The following TMEM259 variants were observed in gnomAD, a reference collection of about 807,000 sequenced individuals.
TMEM259 encodes the protein membralin.
TMEM259 carries 26 observed loss-of-function variants against 46.7 expected under a neutral mutation model. That is an observed-to-expected ratio of 0.56 (90% confidence interval 0.41 to 0.77). The LOEUF is 0.77. Among genes scored for constraint, TMEM259 ranks in the 30% least tolerant of loss-of-function variants. TMEM259 has a pLI of 0.00. For synonymous variants in TMEM259, 494 were observed against 395.1 expected (o/e 1.25, Z -2.97); for missense variants, 930 against 900.5 (o/e 1.03, Z -0.42).
chr19:1,010,943 C>G (rs375122435), intron 10 of TMEM259, 48 bp from the exon 11 acceptor site: 11 of 1,566,864 alleles, frequency 7.0e-6, no homozygotes, highest in Non-Finnish European at 9.4e-6. Context: ...CCTGCCCCAC[C>G]CAGCCGCTGC....
rs1310374974 is a variant in TMEM259, at chr19:1,010,809, C to T, written c.1404G>A (p.Pro468=). 8.9e-6 allele frequency: 14 copies of T among 1,579,728 alleles called. No homozygotes were observed. Among genetic ancestry groups the T allele is most frequent in the East Asian group, 4.6e-5 (2 of 43,744 alleles). ...VRIQEMLLQA[P]PLGPGTPTAL... ...CCGTGGGGGTCCCGGGGCCCAGTGGCGGCGCCTGAAGCAGCATCTCCTGGA... is the reference window on the plus strand; with the variant it reads ...CCGTGGGGGTCCCGGGGCCCAGTGGTGGCGCCTGAAGCAGCATCTCCTGGA... Residue 468 remains proline, a synonymous_variant, in exon 11 of 11, where the codon CCG becomes CCA. Transcript: ENST00000356663.
chr19:1,020,639 C>T lies in TMEM259; in HGVS notation c.225+133G>A, dbSNP rs2081472894. ...CGAGGGAGAGCCCTAATCGGTAGGG[C>T]CGGGTATAGGCCTCAGGGTGCAGGG... is the stretch of plus-strand genomic sequence containing the variant. On this transcript the variant is annotated intron_variant, in intron 1 of 10. Transcript: ENST00000356663. The surrounding 1 kb of genome is among the most constrained non-coding windows in gnomAD (Gnocchi z 4.0). 1.8e-6 allele frequency: 1 copy of T among 549,132 alleles called. No homozygotes were observed. Among genetic ancestry groups the T allele is most frequent in the Non-Finnish European group, 2.8e-6 (1 of 361,934 alleles). The allele number at this position is 549,132 out of a possible 1,614,324, so 34.0% of individuals were successfully genotyped here. A position where few individuals can be genotyped will look rare whatever the true frequency, so the allele number is the denominator to read the frequency against.
rs1008862781 is a variant in TMEM259, at chr19:1,009,987, A to T, written c.*363T>A. 2.5e-5 allele frequency: 8 copies of T among 321,150 alleles called. No homozygotes were observed. The highest frequency in any genetic ancestry group is 4.0e-5 in the Non-Finnish European group (7 of 175,742). 19.9% of individuals were successfully genotyped at this position (321,150 alleles called of 1,614,324 possible). A position where few individuals can be genotyped will look rare whatever the true frequency, so the allele number is the denominator to read the frequency against. ...GGCCGGCACTAGGGCGCGAGGCCCC[A>T]CCCCAAGCCGGCCTCTCCTCCACAC... On this transcript the variant is annotated 3_prime_UTR_variant, in exon 11 of 11. Coordinates refer to ENST00000356663, the MANE Select transcript of TMEM259 (RefSeq NM_001033026.2).
chr19:1,012,361 T>G (rs1294090722), intron 4 of TMEM259, 102 bp downstream of exon 4: 3 of 1,503,800 alleles, frequency 2.0e-6, no homozygotes, highest in African/African-American at 1.4e-5. Flanking sequence ...CAGACCCCAG[T>G]GCTTCCTGCA....
chr19:1,012,070 G>C lies in TMEM259; in HGVS notation c.837C>G (p.Asn279Lys). The change falls in exon 5 of 11, where the codon AAC becomes AAG. Residue 279 changes from asparagine to lysine, a missense_variant. Physicochemically the swap from Asn to Lys is moderately conservative, Grantham distance 94. Coordinates refer to ENST00000356663, the MANE Select transcript of TMEM259 (RefSeq NM_001033026.2). ...CGGCCCCGGGGCATGCCTCACCCTT[G>C]TTCTCCTCGTTCTCGGCCAGGCCCT... is the stretch of plus-strand genomic sequence containing the variant. ...SVKGLAENEENKGFLRNVVSG... is the reference protein window; with the variant it reads ...SVKGLAENEEKKGFLRNVVSG... 6.2e-7 allele frequency: 1 copy of C among 1,612,230 alleles called. No homozygotes were observed.
intron 1 of TMEM259, among the ~76,000 whole-genome samples, chr19:1,015,562 G>A (rs532806324): frequency 4.6e-5 from 7 of 152,280 alleles, no homozygotes; most frequent in South Asian, 4.1e-4. Context: ...CATCACCCCC[G>A]AGCCTGGTGA....
chr19:1,018,037 T>C (rs2039167089), intron 1 of TMEM259, among the ~76,000 whole-genome samples: 1 of 152,096 alleles, frequency 6.6e-6, no homozygotes, highest in Non-Finnish European at 1.5e-5. Context: ...TTACTCCCTG[T>C]GGCTAGGCGC....
In TMEM259 at chr19:1,012,295, C is replaced by T. The variant is rs545156541; in HGVS notation, c.719-107G>A. 1.7e-5 allele frequency: 26 copies of T among 1,508,324 alleles called. No homozygotes were observed. In the African/African-American group the frequency reaches 3.5e-4, roughly 20 times the overall value. 93.4% of individuals were successfully genotyped at this position (1,508,324 alleles called of 1,614,324 possible). A position where few individuals can be genotyped will look rare whatever the true frequency, so the allele number is the denominator to read the frequency against. On this transcript the variant is annotated intron_variant, in intron 4 of 10. Transcript: ENST00000356663. ...GCCTGGCCTGCTTCCTGGCCCTGCCCATTCTTAGGAAACCCATCCAGGACC... is the reference window on the plus strand; with the variant it reads ...GCCTGGCCTGCTTCCTGGCCCTGCCTATTCTTAGGAAACCCATCCAGGACC...
chr19:1,016,205 C>G (rs2240165), intron 1 of TMEM259, among the ~76,000 whole-genome samples: 84 of 151,336 alleles, frequency 5.6e-4, no homozygotes, highest in African/African-American at 9.0e-4. Context: ...GAGGGGTGGG[C>G]GGGGGGAGGG....
intron 7 of TMEM259, 28 bp downstream of exon 7, chr19:1,011,713 C>A (rs1456306362): frequency 1.3e-6 from 2 of 1,532,718 alleles, no homozygotes; most frequent in Non-Finnish European, 8.8e-7. Flanking sequence ...AGGACGCCCG[C>A]CCCGCCCTGC....
chr19:1,011,875 C>T lies in TMEM259; in HGVS notation c.942+17G>A, dbSNP rs756239009. The T allele has an allele frequency of 2.2e-5, 36 of 1,602,758 alleles. No homozygotes were observed. Among genetic ancestry groups the T allele is most frequent in the Middle Eastern group, 3.3e-4 (2 of 6,030 alleles). Reference sequence around the variant, plus strand: ...CTCCCGCCCGGCCAGCCCCCGCACCCGCCCCGAGGCACTCACGAAGATGAC... The same window carrying T: ...CTCCCGCCCGGCCAGCCCCCGCACCTGCCCCGAGGCACTCACGAAGATGAC... On this transcript the variant is annotated intron_variant, in intron 6 of 10. Transcript: ENST00000356663.
At position 1,010,835 on chromosome 19, in the gene TMEM259, T is replaced by G; in HGVS notation, c.1378A>C (p.Ile460Leu). 1.3e-6 allele frequency: 2 copies of G among 1,574,170 alleles called. No individual in the cohort carries two copies. The highest frequency in any genetic ancestry group is 1.7e-6 in the Non-Finnish European group (2 of 1,165,020). The part of the protein sequence containing the change: ...ELPAILQQVR[I>L]QEMLLQAPPL... ...GGCGCCTGAAGCAGCATCTCCTGGA[T>G]GCGGACCTGCTGCAGGATGGCAGGC... The change falls in exon 11 of 11, where the codon ATC becomes CTC. Residue 460 changes from isoleucine (I) to leucine (L), a missense_variant. Coordinates refer to ENST00000356663, the MANE Select transcript of TMEM259 (RefSeq NM_001033026.2).
chr19:1,012,967 A>G (rs1236546678), intron 3 of TMEM259, among the ~76,000 whole-genome samples: 1 of 152,132 alleles, frequency 6.6e-6, no homozygotes, highest in Non-Finnish European at 1.5e-5. Context: ...AGCCCGCTAG[A>G]ACTCTGAGCT....
At chr19:1,012,654 G>C in intron 3 of TMEM259, 81 bp from the exon 4 acceptor site, 1 of 1,507,202 alleles carries the variant, frequency 6.6e-7, no homozygotes, top group East Asian at 2.5e-5. Flanking sequence ...CAGGCGTTGA[G>C]GGGTGGAGGG....
intron 1 of TMEM259, among the ~76,000 whole-genome samples, chr19:1,016,484 C>G (rs974409436): frequency 3.9e-5 from 6 of 152,248 alleles, no homozygotes; most frequent in Non-Finnish European, 8.8e-5. Context: ...CTCTGCCTTC[C>G]AGGCCCACAC....
chr19:1,012,005 G>A lies in TMEM259; in HGVS notation c.842-13C>T. 1 of 1,611,834 alleles carries A rather than the reference G, an allele frequency of 6.2e-7. No homozygotes were observed. The highest frequency in any genetic ancestry group is 8.5e-7 in the Non-Finnish European group (1 of 1,179,404). On this transcript the variant is annotated splice_polypyrimidine_tract_variant and intron_variant, in intron 5 of 10. Transcript: ENST00000356663. ...TTCCGCAGGAAGCCTGCAGCAGAAGGAGCCGTGAGCGCCCGCCCCCACCCG... is the reference window on the plus strand; with the variant it reads ...TTCCGCAGGAAGCCTGCAGCAGAAGAAGCCGTGAGCGCCCGCCCCCACCCG...
chr19:1,017,675 C>T (rs751589706), intron 1 of TMEM259, among the ~76,000 whole-genome samples: 25 of 152,308 alleles, frequency 1.6e-4, no homozygotes, highest in Non-Finnish European at 3.4e-4. Context: ...CCCCAACACT[C>T]GGCCACTGGG....
intron 10 of TMEM259, 26 bp from the exon 11 acceptor site, chr19:1,010,921 G>A: frequency 6.4e-7 from 1 of 1,574,744 alleles, no homozygotes; most frequent in Non-Finnish European, 8.6e-7. Flanking sequence ...TGGGAGTCAG[G>A]ACGGGCCCGC....
At chr19:1,016,090 G>A (rs914153460) in intron 1 of TMEM259, among the ~76,000 whole-genome samples, 3 of 149,294 alleles carry the variant, frequency 2.0e-5, no homozygotes, top group East Asian at 2.0e-4. Context: ...AGAGCCGCAG[G>A]GGATGAAGGC....
Sources: gnomAD v4.1 joint callset for allele counts (sites outside exome capture counted in the v4.1 genomes callset) on GRCh38, gnomAD v4.1.1 for gene constraint, Gnocchi (gnomAD v3.1) non-coding constraint, MANE v1.5 for transcripts, NCBI Gene and HGNC (gene_info 2026-07-23, HGNC 2026-07-21) for gene names.